Variants in CPEB1 observed in about 807,000 individuals in gnomAD.
CPEB1 encodes the protein cytoplasmic polyadenylation element binding protein 1.
In CPEB1, 7 loss-of-function variants were observed where a neutral mutation model predicts 65.8. The observed-to-expected ratio is 0.11, with a 90% CI of 0.06 to 0.20. The LOEUF (loss-of-function observed/expected upper bound fraction) is 0.20. Among genes scored for constraint, CPEB1 ranks in the 10% least tolerant of loss-of-function variants. The pLI, the probability that CPEB1 is intolerant of heterozygous loss-of-function variation, is 1.00. For missense variants in CPEB1, 551 were observed against 712.2 expected (o/e 0.77, Z 2.58); for synonymous variants, 262 against 260.0 (o/e 1.01, Z -0.08).
At chr15:82,622,420 T>C (rs1227234270) in intron 3 of CPEB1, among the ~76,000 whole-genome samples, 1 of 151,944 alleles carries the variant, frequency 6.6e-6, no homozygotes, top group South Asian at 2.1e-4. Flanking sequence ...GCCACATCTC[T>C]CTCCAGAGTC....
intron 3 of CPEB1, among the ~76,000 whole-genome samples, chr15:82,608,981 C>A (rs190739134): frequency 3.3e-5 from 5 of 152,238 alleles, no homozygotes; most frequent in African/African-American, 1.2e-4. Flanking sequence ...TGGCTGAAAT[C>A]ATACAAAGTA....
chr15:82,618,044 T>C (rs1039620999), intron 3 of CPEB1, among the ~76,000 whole-genome samples: 1 of 152,070 alleles, frequency 6.6e-6, no homozygotes, highest in African/African-American at 2.4e-5. Flanking sequence ...TTTTGTAACT[T>C]CTTTGTAACT....
chr15:82,600,830 G>A (rs2043039666), intron 3 of CPEB1, among the ~76,000 whole-genome samples: 1 of 151,914 alleles, frequency 6.6e-6, no homozygotes, highest in Admixed American at 6.6e-5. Context: ...TTTGGACAGG[G>A]GGAGGTTGGG....
chr15:82,646,403 A>T (rs587712098), intron 1 of CPEB1, among the ~76,000 whole-genome samples: 1 of 152,228 alleles, frequency 6.6e-6, no homozygotes, highest in African/African-American at 2.4e-5. Context: ...AGACCAAGGG[A>T]AGCGGTTGCC....
intron 3 of CPEB1, among the ~76,000 whole-genome samples, chr15:82,595,040 G>A (rs2042569531): frequency 6.6e-6 from 1 of 152,176 alleles, no homozygotes. Flanking sequence ...ACCAGAATGT[G>A]GCACAGAAAC....
intron 3 of CPEB1, chr15:82,571,847 T>G: frequency 8.9e-7 from 1 of 1,119,998 alleles, no homozygotes; most frequent in Non-Finnish European, 1.1e-6. Flanking sequence ...GAGAGCGGCA[T>G]CATCCCTCAC....
At chr15:82,603,190 A>T in intron 3 of CPEB1, among the ~76,000 whole-genome samples, 1 of 152,058 alleles carries the variant, frequency 6.6e-6, no homozygotes, top group Non-Finnish European at 1.5e-5. Flanking sequence ...GCAGCCTGGA[A>T]GCCACTGAAA....
At chr15:82,586,818 C>T (rs923128359) in intron 3 of CPEB1, among the ~76,000 whole-genome samples, 6 of 152,196 alleles carry the variant, frequency 3.9e-5, no homozygotes, top group African/African-American at 1.4e-4. Context: ...GATTACTATT[C>T]CTAGCCTTTG....
At chr15:82,643,287 GA>G (rs1295747230) in intron 1 of CPEB1, among the ~76,000 whole-genome samples, 1 of 152,132 alleles carries the variant, frequency 6.6e-6, no homozygotes, top group African/African-American at 2.4e-5. Context: ...CATTCTCACA[GA>G]AAAAAATTCT....
At chr15:82,546,919 C>G (rs369687360) in intron 11 of CPEB1, among the ~76,000 whole-genome samples, 1 of 152,168 alleles carries the variant, frequency 6.6e-6, no homozygotes, top group Non-Finnish European at 1.5e-5. Context: ...GGAAGGCACC[C>G]TACACACTGA....
intron 1 of CPEB1, among the ~76,000 whole-genome samples, chr15:82,637,525 C>T (rs75328490): frequency 0.011 from 1,609 of 152,268 alleles, 28 homozygotes; most frequent in African/African-American, 0.036. Context: ...CCCATCAGCC[C>T]TCCGTACGGA....
At chr15:82,555,371 T>C (rs1467202340) in intron 6 of CPEB1, among the ~76,000 whole-genome samples, 2 of 152,130 alleles carry the variant, frequency 1.3e-5, no homozygotes, top group Non-Finnish European at 2.9e-5. Context: ...ACTCCTCACT[T>C]TAGAGGTTGA....
chr15:82,554,884 A>T (rs2036917424), intron 6 of CPEB1, among the ~76,000 whole-genome samples: 1 of 152,268 alleles, frequency 6.6e-6, no homozygotes, highest in Non-Finnish European at 1.5e-5. Flanking sequence ...TCTCATCCAA[A>T]AGCATGGTAA....
chr15:82,581,578 T>C (rs368294624), intron 3 of CPEB1, among the ~76,000 whole-genome samples: 3 of 152,174 alleles, frequency 2.0e-5, no homozygotes, highest in East Asian at 3.8e-4. Flanking sequence ...AATGCACAAA[T>C]GTTCTAATTT....
chr15:82,635,659 T>C (rs916859705), intron 1 of CPEB1, among the ~76,000 whole-genome samples: 3 of 150,820 alleles, frequency 2.0e-5, no homozygotes, highest in African/African-American at 4.9e-5. Flanking sequence ...GATATGTATA[T>C]ATAAAACATA....
At chr15:82,609,337 C>CA (rs1172578945) in intron 3 of CPEB1, among the ~76,000 whole-genome samples, 4 of 151,098 alleles carry the variant, frequency 2.6e-5, no homozygotes, top group African/African-American at 9.7e-5. Flanking sequence ...CCTGCCTCTA[C>CA]AAAAAAAATA....
At chr15:82,574,748 A>G (rs918206143) in intron 3 of CPEB1, among the ~76,000 whole-genome samples, 4 of 145,952 alleles carry the variant, frequency 2.7e-5, no homozygotes, top group Non-Finnish European at 4.5e-5. Flanking sequence ...AAAAAAAAAA[A>G]AAATCATAAA....
At chr15:82,637,773 G>A (rs1392689207) in intron 1 of CPEB1, among the ~76,000 whole-genome samples, 5 of 152,064 alleles carry the variant, frequency 3.3e-5, no homozygotes, top group African/African-American at 1.2e-4. Flanking sequence ...GAGGGCAGTG[G>A]TCCACAAACT....
At chr15:82,609,494 C>T (rs2043931023) in intron 3 of CPEB1, among the ~76,000 whole-genome samples, 1 of 150,390 alleles carries the variant, frequency 6.6e-6, no homozygotes, top group Non-Finnish European at 1.5e-5. Context: ...GAGCGAGAGC[C>T]TGTCTCAGAA....
Sources: gnomAD v4.1 joint callset for allele counts (sites outside exome capture counted in the v4.1 genomes callset) on GRCh38, gnomAD v4.1.1 for gene constraint, MANE v1.5 for transcripts, NCBI Gene and HGNC (gene_info 2026-07-23, HGNC 2026-07-21) for gene names.